The following DCTN4 variants were observed in gnomAD, a reference collection of about 807,000 sequenced individuals.
The protein encoded by DCTN4 is dynactin 4 (p62).
Under a neutral mutation model 62.7 loss-of-function variants are expected in DCTN4, and 23 were observed. The observed-to-expected ratio is 0.37, with a 90% CI of 0.26 to 0.52. The LOEUF (loss-of-function observed/expected upper bound fraction) is 0.52, where lower values mean the gene tolerates loss of function less well. DCTN4 is among the 20% of genes least tolerant of loss of function. DCTN4 has a pLI of 0.92. For missense variants in DCTN4, 514 were observed against 580.4 expected (o/e 0.89, Z 1.18); for synonymous variants, 199 against 202.1 (o/e 0.98, Z 0.13).
chr5:150,758,758 C>T (rs997363439), intron 1 of DCTN4, 101 bp downstream of exon 1: 33 of 1,505,220 alleles, frequency 2.2e-5, no homozygotes, highest in Non-Finnish European at 3.0e-5. Flanking sequence ...CATAACCAAT[C>T]AGTAAGGAAG....
Position 150,718,337 on chromosome 5 carries a change from G to A in DCTN4, c.1010C>T (p.Thr337Ile), listed in dbSNP as rs1249200262. 2 of 1,614,006 alleles carry A rather than the reference G, an allele frequency of 1.2e-6. No homozygotes were observed. Among genetic ancestry groups the A allele is most frequent in the African/African-American group, 1.3e-5 (1 of 74,920 alleles). Residue 337 changes from threonine (T) to isoleucine (I), a missense_variant, in exon 11 of 13, where the codon ACC becomes ATC. Physicochemically the swap from Thr to Ile is moderately conservative, Grantham distance 89 (BLOSUM62 -1). Transcript: ENST00000447998. Reference protein sequence around the residue: ...LTLTNPVENLTHVTLFECEEG... With the variant: ...LTLTNPVENLIHVTLFECEEG... Reference sequence around the variant, plus strand: ...CTCACACTCGAAGAGAGTCACATGGGTGAGGTTCTCAACTGGATTTGTAAG... The same window carrying A: ...CTCACACTCGAAGAGAGTCACATGGATGAGGTTCTCAACTGGATTTGTAAG...
At chr5:150,758,378 G>A (rs1247172478) in intron 1 of DCTN4, 16 of 986,878 alleles carry the variant, frequency 1.6e-5, no homozygotes, top group East Asian at 1.1e-4. Context: ...GCAGGCCTTG[G>A]CCTGAGTCAG....
chr5:150,722,380 ATT>A (rs1303544454), intron 9 of DCTN4, among the ~76,000 whole-genome samples: 1 of 152,214 alleles, frequency 6.6e-6, no homozygotes, highest in African/African-American at 2.4e-5. Flanking sequence ...AAGTGGCAGT[ATT>A]TGTCTCTAAT....
At chr5:150,726,926 G>A (rs1760165337) in intron 8 of DCTN4, among the ~76,000 whole-genome samples, 2 of 152,138 alleles carry the variant, frequency 1.3e-5, no homozygotes, top group African/African-American at 4.8e-5. Context: ...AAGTAATTGT[G>A]ACCACAAAGC....
chr5:150,758,221 GA>G, intron 1 of DCTN4: 1 of 985,528 alleles, frequency 1.0e-6, no homozygotes. Flanking sequence ...TCTTCTTTTT[GA>G]AAAATCCAAC....
At chr5:150,713,932 C>T (rs1759664383) in intron 12 of DCTN4, among the ~76,000 whole-genome samples, 1 of 151,782 alleles carries the variant, frequency 6.6e-6, no homozygotes, top group South Asian at 2.1e-4. Flanking sequence ...GCCTGGGCAA[C>T]ATGGCAAAAC....
chr5:150,716,446 T>C (rs1759760442), intron 11 of DCTN4, among the ~76,000 whole-genome samples: 1 of 152,230 alleles, frequency 6.6e-6, no homozygotes, highest in Non-Finnish European at 1.5e-5. Flanking sequence ...ACTTATGTTG[T>C]AATTAGGCCT....
At chr5:150,735,758 A>AC (rs1228640683) in intron 4 of DCTN4, among the ~76,000 whole-genome samples, 7 of 152,138 alleles carry the variant, frequency 4.6e-5, no homozygotes, top group Admixed American at 1.3e-4. Flanking sequence ...GTTCTTTAAC[A>AC]CCCCAAAAAG....
chr5:150,725,944 C>T (rs144567745), intron 8 of DCTN4, among the ~76,000 whole-genome samples: 1,682 of 151,888 alleles, frequency 0.011, 30 homozygotes, highest in African/African-American at 0.037. Context: ...CTCTTGTTGC[C>T]CAGGCCGGAG....
At chr5:150,718,214 G>A in intron 11 of DCTN4, 62 bp downstream of exon 11, 1 of 1,145,020 alleles carries the variant, frequency 8.7e-7, no homozygotes, top group East Asian at 2.4e-5. Context: ...TTTTAAGCCA[G>A]GTCAAATGAG....
chr5:150,726,336 A>G (rs1473149714), intron 8 of DCTN4, among the ~76,000 whole-genome samples: 5 of 152,200 alleles, frequency 3.3e-5, no homozygotes, highest in Admixed American at 2.6e-4. Context: ...CACCTCCTCG[A>G]GACATGCATT....
chr5:150,736,965 A>C (rs1760604439), intron 4 of DCTN4, among the ~76,000 whole-genome samples: 1 of 152,234 alleles, frequency 6.6e-6, no homozygotes. Context: ...AGGAGTAGCT[A>C]TTCTTATATC....
At chr5:150,755,231 T>C (rs2113156895) in intron 2 of DCTN4, among the ~76,000 whole-genome samples, 1 of 152,210 alleles carries the variant, frequency 6.6e-6, no homozygotes, top group African/African-American at 2.4e-5. Flanking sequence ...AGTAAGTGAT[T>C]TAAAAAACAA....
At chr5:150,739,694 G>GT (rs1760702625) in intron 4 of DCTN4, among the ~76,000 whole-genome samples, 1 of 152,124 alleles carries the variant, frequency 6.6e-6, no homozygotes. Flanking sequence ...TAAGACTATA[G>GT]TCACCAACGC....
chr5:150,744,161 G>A (rs538233648), intron 3 of DCTN4, among the ~76,000 whole-genome samples: 34 of 152,306 alleles, frequency 2.2e-4, no homozygotes, highest in South Asian at 6.2e-4. Flanking sequence ...CTCAGGAGTC[G>A]ATGCGATCAA....
intron 10 of DCTN4, 64 bp downstream of exon 10, chr5:150,719,652 C>T: frequency 8.5e-7 from 1 of 1,180,870 alleles, no homozygotes. Flanking sequence ...CAGCCACCCA[C>T]ATACACATGT....
In DCTN4 at chr5:150,733,354, TA is replaced by T. The variant is rs892421140; in HGVS notation, c.537+13del. The T allele has an allele frequency of 6.3e-7, 1 of 1,597,544 alleles. No homozygotes were observed. Among genetic ancestry groups the T allele is most frequent in the African/African-American group, 1.3e-5 (1 of 74,318 alleles). ...TTAGAGGTCTTGCAAATCATTTTAGTACCAAATTCTCACCGAAAAAGCCAGA... is the reference window on the plus strand; with the variant it reads ...TTAGAGGTCTTGCAAATCATTTTAGTCCAAATTCTCACCGAAAAAGCCAGA... On this transcript the variant is annotated intron_variant, in intron 5 of 12. Coordinates refer to ENST00000447998, the MANE Select transcript of DCTN4 (RefSeq NM_016221.4).
At chr5:150,748,938 A>G (rs1752564258) in intron 3 of DCTN4, among the ~76,000 whole-genome samples, 1 of 152,056 alleles carries the variant, frequency 6.6e-6, no homozygotes, top group Non-Finnish European at 1.5e-5. Context: ...AAAGTATAAT[A>G]ATAAGAAAAA....
intron 1 of DCTN4, 71 bp downstream of exon 1, chr5:150,758,788 C>A: frequency 6.3e-7 from 1 of 1,577,640 alleles, no homozygotes; most frequent in African/African-American, 1.3e-5. Flanking sequence ...TCCAGCCTTC[C>A]GGTGGCAGTG....
Sources: gnomAD v4.1 joint callset for allele counts (sites outside exome capture counted in the v4.1 genomes callset) on GRCh38, gnomAD v4.1.1 for gene constraint, MANE v1.5 for transcripts, NCBI Gene and HGNC (gene_info 2026-07-23, HGNC 2026-07-21) for gene names.